RUFY4: variants seen among roughly 807,000 people sequenced by gnomAD.
The protein encoded by RUFY4 is RUN and FYVE domain-containing protein 4.
In RUFY4, 73 loss-of-function variants were observed where a neutral mutation model predicts 69.0. The observed-to-expected ratio is 1.06, with a 90% CI of 0.88 to 1.29. The LOEUF is 1.29. Among genes scored for constraint, RUFY4 ranks in the 50% most tolerant of loss-of-function variants. The probability of loss-of-function intolerance (pLI) is 0.00; values close to 1 mark genes in which losing one functional copy is unlikely to be tolerated. For synonymous variants in RUFY4, 287 were observed against 271.8 expected, an observed-to-expected ratio of 1.06 and a Z score of -0.55; for missense variants, 770 against 705.6, an observed-to-expected ratio of 1.09 and a Z score of -1.03.
At chr2:218,080,065 C>T (rs1289089204) in intron 8 of RUFY4, among the ~76,000 whole-genome samples, 1 of 152,192 alleles carries the variant, frequency 6.6e-6, no homozygotes, top group African/African-American at 2.4e-5. Context: ...GTGAGAAGTG[C>T]TGTGGCCAGG....
intron 2 of RUFY4, among the ~76,000 whole-genome samples, chr2:218,052,748 A>ATT (rs1305565312): frequency 0.028 from 4,159 of 149,890 alleles, 165 homozygotes; most frequent in African/African-American, 0.096. Context: ...TTTTTTTTAA[A>ATT]AAAAAAAGAT....
At chr2:218,080,542 G>A (rs1055434019) in intron 8 of RUFY4, among the ~76,000 whole-genome samples, 5 of 152,294 alleles carry the variant, frequency 3.3e-5, no homozygotes, top group Middle Eastern at 3.4e-3. Context: ...GATAGCTAAG[G>A]TTCCTCCTCC....
chr2:218,037,116 C>T (rs1346753748), intron 2 of RUFY4, among the ~76,000 whole-genome samples: 2 of 151,982 alleles, frequency 1.3e-5, no homozygotes, highest in South Asian at 2.1e-4. Context: ...GTCAGGAGTT[C>T]GAGACCAGCC....
intron 9 of RUFY4, among the ~76,000 whole-genome samples, chr2:218,084,639 G>C (rs1364010601): frequency 6.6e-6 from 1 of 152,184 alleles, no homozygotes; most frequent in East Asian, 1.9e-4. Context: ...AGAATTTACT[G>C]TCAATTGGGA....
chr2:218,081,959 A>G (rs572591619), intron 8 of RUFY4, among the ~76,000 whole-genome samples: 27 of 152,366 alleles, frequency 1.8e-4, no homozygotes, highest in African/African-American at 6.5e-4. Context: ...CTCAAGCCCC[A>G]GGACACACAC....
exon 7 of RUFY4, chr2:218,075,693 G>T (rs760304258): frequency 6.8e-7 from 1 of 1,471,496 alleles, no homozygotes; most frequent in African/African-American, 1.4e-5. Flanking sequence ...GACCCTTGTG[G>T]CCAGAAGGGA....
intron 2 of RUFY4, among the ~76,000 whole-genome samples, chr2:218,039,001 G>C (rs1421178853): frequency 6.6e-6 from 1 of 152,074 alleles, no homozygotes; most frequent in Admixed American, 6.5e-5. Flanking sequence ...GTGGGCAATC[G>C]GTTGCATAAC....
intron 4 of RUFY4, 72 bp from the exon 7 acceptor site, chr2:218,073,171 G>C: frequency 1.3e-6 from 2 of 1,511,070 alleles, no homozygotes; most frequent in Non-Finnish European, 1.8e-6. Flanking sequence ...TTGAGCTGGG[G>C]TGGGGGTGGT....
At chr2:218,076,168 C>T (rs1031147235) in intron 7 of RUFY4, among the ~76,000 whole-genome samples, 2 of 152,208 alleles carry the variant, frequency 1.3e-5, no homozygotes, top group Non-Finnish European at 2.9e-5. Context: ...TGTCACCAAG[C>T]CTCCCTTCGG....
chr2:218,070,840 GC>G lies in RUFY4; in HGVS notation c.136del (p.Leu46TrpfsTer49). On this transcript the variant is annotated frameshift_variant, in exon 2 of 11. Transcript: ENST00000344321. LOFTEE classifies it high-confidence loss of function. ...GCCGAGCTGCACAGACTCTGTGGCT[GC>G]CTGGAGCTGCTGCTGCAGGTGGGAC... is the stretch of plus-strand genomic sequence containing the variant. 6.5e-7 allele frequency: 1 copy of G among 1,536,328 alleles called. No homozygotes were observed. Among genetic ancestry groups the G allele is most frequent in the Non-Finnish European group, 8.7e-7 (1 of 1,146,200 alleles).
At chr2:218,061,607 T>G (rs1297640836) in intron 3 of RUFY4, among the ~76,000 whole-genome samples, 1 of 152,232 alleles carries the variant, frequency 6.6e-6, no homozygotes, top group African/African-American at 2.4e-5. Context: ...GCAATGTTAG[T>G]GATAAATGCC....
chr2:218,044,616 C>T (rs1688785870), intron 2 of RUFY4, among the ~76,000 whole-genome samples: 1 of 152,092 alleles, frequency 6.6e-6, no homozygotes, highest in South Asian at 2.1e-4. Context: ...TGATAAACCC[C>T]CCAGTGTGTG....
At chr2:218,075,919 C>A (rs1689621134) in intron 7 of RUFY4, among the ~76,000 whole-genome samples, 179 bp downstream of exon 9, 1 of 152,164 alleles carries the variant, frequency 6.6e-6, no homozygotes, top group Non-Finnish European at 1.5e-5. Flanking sequence ...TCCCCACAGT[C>A]CCCGCCTCTC....
intron 2 of RUFY4, among the ~76,000 whole-genome samples, chr2:218,046,451 A>G (rs991916472): frequency 2.0e-5 from 3 of 152,116 alleles, no homozygotes. Context: ...GAGACAGTGC[A>G]GTGCTTAACT....
upstream of RUFY4, among the ~76,000 whole-genome samples, chr2:218,064,814 G>A (rs1273383078): frequency 1.3e-5 from 2 of 151,458 alleles, no homozygotes; most frequent in Non-Finnish European, 2.9e-5. Context: ...TCCCACAACC[G>A]CCTGCCTGCC....
At chr2:218,060,719 G>T in intron 3 of RUFY4, 1 of 1,389,924 alleles carries the variant, frequency 7.2e-7, no homozygotes, top group Non-Finnish European at 1.0e-6. Context: ...AGCGTATGCA[G>T]GGTGAATCTG....
intron 2 of RUFY4, among the ~76,000 whole-genome samples, chr2:218,045,118 A>C (rs1390443996): frequency 6.6e-6 from 1 of 151,844 alleles, no homozygotes; most frequent in East Asian, 1.9e-4. Flanking sequence ...TTGTTTTTTG[A>C]CTTTTTAATA....
chr2:218,079,358 C>T (rs1689709121), intron 8 of RUFY4, among the ~76,000 whole-genome samples: 2 of 152,228 alleles, frequency 1.3e-5, no homozygotes, highest in South Asian at 2.1e-4. Context: ...ATTGGATATG[C>T]TGTATGAAAG....
intron 2 of RUFY4, among the ~76,000 whole-genome samples, chr2:218,053,121 G>A (rs941199785): frequency 2.0e-5 from 3 of 151,952 alleles, no homozygotes; most frequent in Admixed American, 6.6e-5. Flanking sequence ...CACAGTGCCT[G>A]GCTCGTGATT....
Sources: allele counts gnomAD v4.1 joint callset (sites outside exome capture counted in the v4.1 genomes callset), GRCh38; gene constraint gnomAD v4.1.1; transcripts MANE v1.5; gene names NCBI Gene and HGNC (gene_info 2026-07-23, HGNC 2026-07-21).